Variants in UGGT2 observed in about 807,000 individuals in gnomAD.
The protein encoded by UGGT2 is UDP-glucose:glycoprotein glucosyltransferase 2.
A neutral mutation model predicts 192.1 loss-of-function variants in UGGT2; 180 were observed. The ratio of observed to expected loss-of-function variants is 0.94; its 90% CI spans 0.83 to 1.06. The LOEUF is 1.06. Among genes scored for constraint, UGGT2 ranks in the 50% least tolerant of loss-of-function variants. The probability of loss-of-function intolerance (pLI) is 0.00; values close to 1 mark genes in which losing one functional copy is unlikely to be tolerated. For synonymous variants in UGGT2, 580 were observed against 591.0 expected (o/e 0.98, Z 0.27); for missense variants, 1,849 against 1,795.7 (o/e 1.03, Z -0.54).
chr13:95,815,799 G>T, intron 38 of UGGT2, among the ~76,000 whole-genome samples: 1 of 152,192 alleles, frequency 6.6e-6, no homozygotes, highest in Non-Finnish European at 1.5e-5. Context: ...GTTTGGATCT[G>T]TGTCCTCACC....
intron 38 of UGGT2, among the ~76,000 whole-genome samples, chr13:95,803,384 C>T (rs1884157423): frequency 6.6e-6 from 1 of 152,072 alleles, no homozygotes; most frequent in Non-Finnish European, 1.5e-5. Context: ...CCTCAGCCTC[C>T]TGAGTAGCTG....
At chr13:95,939,539 T>C (rs2049591072) in intron 16 of UGGT2, among the ~76,000 whole-genome samples, 1 of 151,654 alleles carries the variant, frequency 6.6e-6, no homozygotes, top group Non-Finnish European at 1.5e-5. Flanking sequence ...TTGTTCACCT[T>C]TTAAAAAATG....
chr13:95,981,081 TCTC>T (rs1322040396), intron 10 of UGGT2, among the ~76,000 whole-genome samples: 3 of 152,142 alleles, frequency 2.0e-5, no homozygotes, highest in African/African-American at 7.2e-5. Flanking sequence ...ATGTTTCTTA[TCTC>T]CTCTACTCGA....
chr13:95,977,790 C>T (rs1232927791), intron 10 of UGGT2, among the ~76,000 whole-genome samples: 2 of 152,108 alleles, frequency 1.3e-5, no homozygotes, highest in African/African-American at 4.8e-5. Context: ...TTGGAACCAA[C>T]CCAAATGCTC....
intron 16 of UGGT2, 131 bp downstream of exon 16, chr13:95,939,826 C>G: frequency 1.5e-6 from 1 of 685,112 alleles, no homozygotes; most frequent in South Asian, 2.4e-5. Context: ...CATCCCCAGC[C>G]TCTGGTAACC....
At chr13:95,983,328 T>C (rs987809835) in intron 10 of UGGT2, among the ~76,000 whole-genome samples, 1 of 152,152 alleles carries the variant, frequency 6.6e-6, no homozygotes, top group Non-Finnish European at 1.5e-5. Flanking sequence ...CAGGCAGTGG[T>C]GTAAGCACTT....
chr13:96,026,659 CTTTT>C (rs71211702), intron 2 of UGGT2, among the ~76,000 whole-genome samples: 3 of 101,542 alleles, frequency 3.0e-5, no homozygotes, highest in South Asian at 6.7e-4. Flanking sequence ...TTTCACTCTT[CTTTT>C]TTTTTTTTTT....
intron 20 of UGGT2, among the ~76,000 whole-genome samples, chr13:95,921,827 G>A (rs1163698689): frequency 6.6e-6 from 1 of 152,142 alleles, no homozygotes; most frequent in African/African-American, 2.4e-5. Flanking sequence ...TAAACACAGT[G>A]GGAATGAAAA....
rs1350553240 is a variant in UGGT2, at chr13:95,913,167, C to A, written c.2296-10107G>T. ...AAAACCTAGGCAATACCATTTAGGA[C>A]ATAGGCATGGTCAAGGACTTCATGA... On this transcript the variant is annotated intron_variant, in intron 20 of 38. Transcript: ENST00000376747. Among the ~76,000 whole-genome samples the A allele has an allele frequency of 2.0e-5, 3 of 152,290 alleles. No homozygotes were observed. The East Asian group carries it at 5.8e-4, about 29-fold the overall frequency.
chr13:95,900,987 T>C (rs777140749), intron 21 of UGGT2, 49 bp from the exon 22 acceptor site: 4 of 1,289,512 alleles, frequency 3.1e-6, no homozygotes, highest in South Asian at 2.5e-5. Context: ...ACAGTAAATA[T>C]ATTAAATCAT....
chr13:95,941,884 G>A (rs188250941), intron 15 of UGGT2, among the ~76,000 whole-genome samples: 3 of 152,274 alleles, frequency 2.0e-5, no homozygotes, highest in Non-Finnish European at 2.9e-5. Context: ...TGTGCTTCAG[G>A]AGATGCAAGC....
chr13:95,848,927 A>G (rs1405762390), intron 36 of UGGT2, among the ~76,000 whole-genome samples: 1 of 152,146 alleles, frequency 6.6e-6, no homozygotes, highest in Non-Finnish European at 1.5e-5. Flanking sequence ...ATACCTCTTC[A>G]TGTATTTCAG....
At position 95,863,586 on chromosome 13, in the gene UGGT2, T is replaced by C. The variant is rs545207083; in HGVS notation, c.3644+43A>G. The C allele has an allele frequency of 2.7e-6, 4 of 1,506,616 alleles. No homozygotes were observed. The South Asian group carries it at 3.4e-5, about 13-fold the overall frequency. The allele number at this position is 1,506,616 out of a possible 1,614,324, so 93.3% of individuals were successfully genotyped here. On this transcript the variant is annotated intron_variant, in intron 31 of 38. Transcript: ENST00000376747. ...GTGGAACTTCCACATACTAGACTTC[T>C]GGATCAATCTAGTGATGTATTAAAA...
At chr13:95,868,947 C>T (rs1292025841) in intron 29 of UGGT2, among the ~76,000 whole-genome samples, 3 of 151,814 alleles carry the variant, frequency 2.0e-5, no homozygotes, top group Non-Finnish European at 4.4e-5. Context: ...AGGTTTGTTA[C>T]ATATGTATAC....
chr13:95,917,238 A>C (rs1278951528), intron 20 of UGGT2, among the ~76,000 whole-genome samples: 3 of 152,190 alleles, frequency 2.0e-5, no homozygotes, highest in Admixed American at 6.5e-5. Context: ...GATTGGAGCC[A>C]ATATTCAACA....
chr13:95,868,983 C>G (rs1185776754), intron 29 of UGGT2, among the ~76,000 whole-genome samples: 1 of 151,612 alleles, frequency 6.6e-6, no homozygotes, highest in Non-Finnish European at 1.5e-5. Flanking sequence ...GTGCTGCACC[C>G]ATTAACTCTT....
chr13:95,995,918 TAATA>T (rs2051602786), intron 7 of UGGT2, 141 bp downstream of exon 7: 7 of 690,294 alleles, frequency 1.0e-5, no homozygotes, highest in South Asian at 1.7e-5. Flanking sequence ...GTTACTTCTG[TAATA>T]AATAAAAACA....
intron 1 of UGGT2, among the ~76,000 whole-genome samples, chr13:96,037,202 GCCTATAACCA>G (rs911270105): frequency 1.3e-5 from 2 of 151,848 alleles, no homozygotes; most frequent in African/African-American, 4.8e-5. Context: ...AGCCTCTTCA[GCCTATAACCA>G]CCTCTAGCCA....
chr13:95,974,299 C>T (rs1594481549), intron 10 of UGGT2, among the ~76,000 whole-genome samples: 1 of 152,208 alleles, frequency 6.6e-6, no homozygotes, highest in African/African-American at 2.4e-5. Context: ...TCAAAATCTA[C>T]AGATGCCTAG....
Sources: gnomAD v4.1 joint callset for allele counts (sites outside exome capture counted in the v4.1 genomes callset) on GRCh38, gnomAD v4.1.1 for gene constraint, MANE v1.5 for transcripts, NCBI Gene and HGNC (gene_info 2026-07-23, HGNC 2026-07-21) for gene names.